Variants in SORCS2 observed in about 807,000 individuals in gnomAD.
The protein encoded by SORCS2 is sortilin related VPS10 domain containing receptor 2, also known as VPS10 domain-containing receptor SorCS2.
Under a neutral mutation model 141.6 loss-of-function variants are expected in SORCS2, and 100 were observed. The ratio of observed to expected loss-of-function variants is 0.71; its 90% CI spans 0.60 to 0.83. SORCS2 has a LOEUF of 0.83. Among genes scored for constraint, SORCS2 ranks in the 40% least tolerant of loss-of-function variants. The pLI is 0.00. For missense variants in SORCS2, 1,646 were observed against 1,560.2 expected (o/e 1.05, Z -0.93); for synonymous variants, 789 against 676.9 (o/e 1.17, Z -2.57).
intron 1 of SORCS2, among the ~76,000 whole-genome samples, chr4:7,207,777 A>G (rs1272603296): frequency 6.6e-6 from 1 of 152,140 alleles, no homozygotes; most frequent in Admixed American, 6.5e-5. Context: ...AGCCCAGCAT[A>G]TTTCATGAAC....
intron 3 of SORCS2, among the ~76,000 whole-genome samples, chr4:7,594,171 T>G (rs1717105986): frequency 6.6e-6 from 1 of 152,196 alleles, no homozygotes; most frequent in African/African-American, 2.4e-5. Flanking sequence ...GAGCTGGTAC[T>G]CTGCCCCCTG....
At chr4:7,244,964 G>C (rs1195912088) in intron 1 of SORCS2, among the ~76,000 whole-genome samples, 1 of 152,174 alleles carries the variant, frequency 6.6e-6, no homozygotes, top group African/African-American at 2.4e-5. Flanking sequence ...CAGTTGGAAG[G>C]GGGGTGGCTG....
At chr4:7,724,477 G>T (rs977312014) in intron 19 of SORCS2, among the ~76,000 whole-genome samples, 5 of 59,462 alleles carry the variant, frequency 8.4e-5, no homozygotes, top group African/African-American at 2.8e-4. Context: ...GATGGTGATG[G>T]TGGTGATGGT....
At position 7,706,055 on chromosome 4, in the gene SORCS2, C is replaced by CCTGGGCAGGGATGAGGCTGGGCTCCGT. The variant is rs1725417607; in HGVS notation, c.1868+1795_1868+1796insCGTCTGGGCAGGGATGAGGCTGGGCTC. Among the ~76,000 whole-genome samples the CCTGGGCAGGGATGAGGCTGGGCTCCGT allele has an allele frequency of 2.3e-4, 16 of 70,350 alleles. 3 individuals carry two copies. In the East Asian group the frequency reaches 3.2e-3, roughly 14 times the overall value. The allele number at this position is 70,350 out of a possible 152,430, so 46.2% of individuals were successfully genotyped here. On this transcript the variant is annotated intron_variant, in intron 14 of 26. Coordinates refer to ENST00000507866, the MANE Select transcript of SORCS2 (RefSeq NM_020777.3). ...TGGGCAGGGATGAGGCTGGGCTCCG[C>CCTGGGCAGGGATGAGGCTGGGCTCCGT]CTGGGCAGGGATGAGGCTGGGCTCT... is the stretch of plus-strand genomic sequence containing the variant.
At chr4:7,408,696 C>T (rs1025993047) in intron 2 of SORCS2, among the ~76,000 whole-genome samples, 2 of 152,182 alleles carry the variant, frequency 1.3e-5, no homozygotes, top group Non-Finnish European at 2.9e-5. Flanking sequence ...AGATTCCTAA[C>T]TCTTGCTCTT....
rs570202457 is a variant in SORCS2 at position 7,209,561 on chromosome 4, G to A, written c.480+16435G>A. Among the ~76,000 whole-genome samples the A allele has an allele frequency of 2.6e-4, 39 of 152,288 alleles. No homozygotes were observed. The South Asian group carries it at 4.4e-3, about 17-fold the overall frequency. On this transcript the variant is annotated intron_variant, in intron 1 of 26. Coordinates refer to ENST00000507866, the MANE Select transcript of SORCS2 (RefSeq NM_020777.3). ...CATGGTGCTGAAGCCTATCCCCTTCGTAGACTGTTTTTGGTGGGTGGGCTC... is the reference window on the plus strand; with the variant it reads ...CATGGTGCTGAAGCCTATCCCCTTCATAGACTGTTTTTGGTGGGTGGGCTC...
At chr4:7,705,683 G>A (rs1376429472) in intron 14 of SORCS2, among the ~76,000 whole-genome samples, 5 of 152,256 alleles carry the variant, frequency 3.3e-5, no homozygotes, top group African/African-American at 9.6e-5. Flanking sequence ...GGGTTCAGCA[G>A]GAAGTGCTGG....
In SORCS2 at chr4:7,520,808, A is replaced by G. The variant is rs1428160552; in HGVS notation, c.549-10722A>G. ...AAGGAGATGCCCAAGCCCATGGGTA[A>G]CGCACAGGTGAAATGACACAGCTCC... is the stretch of plus-strand genomic sequence containing the variant. On this transcript the variant is annotated intron_variant, in intron 2 of 26. Coordinates refer to ENST00000507866, the MANE Select transcript of SORCS2 (RefSeq NM_020777.3). 2.0e-5 allele frequency among the ~76,000 whole-genome samples: 3 copies of G among 152,206 alleles called. 1 individual carries two copies. Among genetic ancestry groups the G allele is most frequent in the African/African-American group, 7.2e-5 (3 of 41,446 alleles).
At chr4:7,448,017 G>A (rs1560291916) in intron 2 of SORCS2, among the ~76,000 whole-genome samples, 1 of 152,198 alleles carries the variant, frequency 6.6e-6, no homozygotes, top group Non-Finnish European at 1.5e-5. Context: ...GAATGTGTAT[G>A]AGCGGCTCGT....
At chr4:7,628,291 G>A (rs933032523) in intron 3 of SORCS2, among the ~76,000 whole-genome samples, 2 of 152,192 alleles carry the variant, frequency 1.3e-5, no homozygotes, top group South Asian at 4.1e-4. Flanking sequence ...CGGAGGCCGA[G>A]GCGGGCGGAT....
At position 7,664,008 on chromosome 4, in the gene SORCS2, C is replaced by A. The variant is rs750926091; in HGVS notation, c.953-345C>A. ...TGAGCCCCACCCGCCCCCATCCCTGCTTAGGTGTGAGAGACTTCAGGAGGG... is the reference window on the plus strand; with the variant it reads ...TGAGCCCCACCCGCCCCCATCCCTGATTAGGTGTGAGAGACTTCAGGAGGG... On this transcript the variant is annotated intron_variant, in intron 6 of 26. Transcript: ENST00000507866. This position sits in a 1 kb window ranked among gnomAD's most constrained non-coding sequence, Gnocchi z 4.7. 7.2e-4 allele frequency among the ~76,000 whole-genome samples: 109 copies of A among 152,268 alleles called. No individual in the cohort carries two copies. The highest frequency in any genetic ancestry group is 1.2e-3 in the Non-Finnish European group (83 of 68,022).
At chr4:7,455,424 T>G in intron 2 of SORCS2, among the ~76,000 whole-genome samples, 1 of 106,340 alleles carries the variant, frequency 9.4e-6, no homozygotes, top group South Asian at 3.8e-4. Flanking sequence ...TGTGTTGGGG[T>G]CAGTGCTGTG....
intron 2 of SORCS2, among the ~76,000 whole-genome samples, chr4:7,414,518 C>T (rs1004220861): frequency 2.4e-4 from 37 of 152,084 alleles, no homozygotes; most frequent in African/African-American, 7.0e-4. Context: ...TTTATTAAGC[C>T]GGCGGCCAAA....
chr4:7,612,589 TCCCCTGGG>T (rs1464541631), intron 3 of SORCS2, among the ~76,000 whole-genome samples: 1 of 152,070 alleles, frequency 6.6e-6, no homozygotes, highest in Non-Finnish European at 1.5e-5. Flanking sequence ...CCTGCCCTGC[TCCCCTGGG>T]CCCCACGCAG....
Position 7,733,412 on chromosome 4 carries a change from A to C in SORCS2, c.3199A>C (p.Thr1067Pro). 1 of 1,587,196 alleles carries C rather than the reference A, an allele frequency of 6.3e-7. No homozygotes were observed. Among genetic ancestry groups the C allele is most frequent in the Non-Finnish European group, 8.6e-7 (1 of 1,166,990 alleles). The change falls in exon 24 of 27, where the codon ACA becomes CCA. Residue 1067 changes from threonine (T) to proline (P), a missense_variant. Physicochemically the swap from Thr to Pro is conservative, Grantham distance 38. Transcript: ENST00000507866. Reference protein sequence around the residue: ...GVRVLVALRDTGTGAEQLGGG... With the variant: ...GVRVLVALRDPGTGAEQLGGG... The stretch of plus-strand genomic sequence containing the variant: ...CCGGGTCCTGGTGGCCCTGCGGGAC[A>C]CAGGCACAGGTGAGCCACTGGGAGC...
intron 3 of SORCS2, among the ~76,000 whole-genome samples, chr4:7,613,591 C>T (rs562411781): frequency 6.6e-6 from 1 of 152,294 alleles, no homozygotes; most frequent in South Asian, 2.1e-4. Flanking sequence ...GAAGCACATG[C>T]ACCTCACATG....
intron 1 of SORCS2, among the ~76,000 whole-genome samples, chr4:7,354,420 A>G (rs913896646): frequency 1.3e-5 from 2 of 150,936 alleles, no homozygotes; most frequent in Non-Finnish European, 3.0e-5. Context: ...ACCACCAAAT[A>G]CAGCCAGCCC....
At chr4:7,538,193 G>T (rs967065032) in intron 3 of SORCS2, among the ~76,000 whole-genome samples, 4 of 152,320 alleles carry the variant, frequency 2.6e-5, no homozygotes, top group East Asian at 1.9e-4. Context: ...ATTACAGGCC[G>T]AGCAGCACTT....
At chr4:7,565,298 G>A (rs1420813445) in intron 3 of SORCS2, among the ~76,000 whole-genome samples, 1 of 152,150 alleles carries the variant, frequency 6.6e-6, no homozygotes, top group Non-Finnish European at 1.5e-5. Context: ...GGATTATTCT[G>A]CTCTTGGAAT....
Sources: allele counts gnomAD v4.1 joint callset (sites outside exome capture counted in the v4.1 genomes callset), GRCh38; gene constraint gnomAD v4.1.1; non-coding constraint Gnocchi (gnomAD v3.1); transcripts MANE v1.5; gene names NCBI Gene and HGNC (gene_info 2026-07-23, HGNC 2026-07-21).